TSKS: variants seen among roughly 807,000 people sequenced by gnomAD.
TSKS encodes testis specific serine kinase substrate, also known as testis-specific serine kinase substrate.
A neutral mutation model predicts 68.0 loss-of-function variants in TSKS; 27 were observed. The ratio of observed to expected loss-of-function variants is 0.40; its 90% CI spans 0.29 to 0.55. The LOEUF (loss-of-function observed/expected upper bound fraction) is 0.55. TSKS is among the 20% of genes least tolerant of loss of function. The pLI is 0.53. For missense variants in TSKS, 806 were observed against 776.0 expected, an observed-to-expected ratio of 1.04 and a Z score of -0.46; for synonymous variants, 331 against 340.4, an observed-to-expected ratio of 0.97 and a Z score of 0.30.
In TSKS at chr19:49,763,029, G is replaced by A; in HGVS notation, c.170+49C>T. ...ACAGTCGGACTCCTGCTCTGTTGGA[G>A]GTAGTGCTGGGCATTAGAACCATCC... On this transcript the variant is annotated intron_variant, in intron 1 of 10. Coordinates refer to ENST00000246801, the MANE Select transcript of TSKS (RefSeq NM_021733.2). This position sits in a 1 kb window ranked among gnomAD's most constrained non-coding sequence, Gnocchi z 4.5. 6.4e-7 allele frequency: 1 copy of A among 1,574,132 alleles called. No individual in the cohort carries two copies.
intron 2 of TSKS, among the ~76,000 whole-genome samples, chr19:49,750,484 C>T (rs1271077577): frequency 6.6e-6 from 1 of 152,088 alleles, no homozygotes; most frequent in Non-Finnish European, 1.5e-5. Context: ...GTCTTGATCT[C>T]CTGACCTCGT....
chr19:49,748,237 G>A, intron 3 of TSKS, 69 bp from the exon 4 acceptor site: 1 of 1,583,792 alleles, frequency 6.3e-7, no homozygotes, highest in South Asian at 1.1e-5. Flanking sequence ...GAAGATCTGG[G>A]CCTGGGAAGG....
intron 8 of TSKS, among the ~76,000 whole-genome samples, chr19:49,743,977 G>A (rs2084274469): frequency 6.6e-6 from 1 of 152,168 alleles, no homozygotes; most frequent in Non-Finnish European, 1.5e-5. Flanking sequence ...GAAGTGCTGG[G>A]ATTACAGGCG....
intron 2 of TSKS, 72 bp downstream of exon 2, chr19:49,761,932 C>G (rs976708343): frequency 1.5e-6 from 2 of 1,295,210 alleles, no homozygotes; most frequent in East Asian, 4.7e-5. Flanking sequence ...ACCCCACCCC[C>G]GTCCTAAGTA....
intron 2 of TSKS, among the ~76,000 whole-genome samples, chr19:49,755,019 C>A (rs970768494): frequency 3.3e-5 from 5 of 152,070 alleles, no homozygotes; most frequent in African/African-American, 1.2e-4. Flanking sequence ...ATCGCTTGAA[C>A]CCAGGAGGCA....
At chr19:49,762,762 CCTA>C (rs1407151989) in intron 1 of TSKS, among the ~76,000 whole-genome samples, 2 of 152,040 alleles carry the variant, frequency 1.3e-5, no homozygotes, top group African/African-American at 4.8e-5. Flanking sequence ...TTCCCCGCTG[CCTA>C]CTTTCTCCTC....
At chr19:49,740,538 C>T (rs1294355227) in intron 9 of TSKS, among the ~76,000 whole-genome samples, 1 of 152,186 alleles carries the variant, frequency 6.6e-6, no homozygotes. Context: ...CTCCTACATT[C>T]CATAATTTGG....
At position 49,745,350 on chromosome 19, in the gene TSKS, C is replaced by T; in HGVS notation, c.1039G>A (p.Ala347Thr). 2.5e-6 allele frequency: 4 copies of T among 1,594,900 alleles called. No individual in the cohort carries two copies. The highest frequency in any genetic ancestry group is 3.4e-6 in the Non-Finnish European group (4 of 1,175,038). ...AGCAGCCGCAGGGCTTCCTGCACCG[C>T]CCCCTCCTCCTGATGCCACCGGGCG... ...LTARWHQEEG[A>T]VQEALRLLGG... Residue 347 changes from alanine to threonine, a missense_variant, in exon 7 of 11, where the codon GCG (alanine) becomes ACG (threonine). Transcript: ENST00000246801.
intron 2 of TSKS, among the ~76,000 whole-genome samples, chr19:49,750,354 G>A (rs2084339721): frequency 1.3e-5 from 2 of 150,954 alleles, no homozygotes; most frequent in Non-Finnish European, 2.9e-5. Flanking sequence ...TCACTCCCAG[G>A]TTCAAGCCAT....
intron 6 of TSKS, 133 bp downstream of exon 6, chr19:49,746,337 C>T: frequency 9.3e-7 from 1 of 1,073,572 alleles, no homozygotes; most frequent in South Asian, 1.6e-5. Flanking sequence ...CGAGGCTCCA[C>T]CCATGTCACC....
chr19:49,750,193 T>C (rs560982782), intron 2 of TSKS, among the ~76,000 whole-genome samples: 3 of 152,136 alleles, frequency 2.0e-5, no homozygotes, highest in Non-Finnish European at 4.4e-5. Flanking sequence ...TTCTGTGTTA[T>C]TCAAGCTGTG....
intron 2 of TSKS, among the ~76,000 whole-genome samples, chr19:49,761,240 G>A (rs2084437857): frequency 6.6e-6 from 1 of 152,176 alleles, no homozygotes; most frequent in African/African-American, 2.4e-5. Flanking sequence ...TTGTTAATGT[G>A]GTTCTCAGTA....
At chr19:49,748,308 C>T in intron 3 of TSKS, 66 bp downstream of exon 3, 1 of 1,580,722 alleles carries the variant, frequency 6.3e-7, no homozygotes, top group Non-Finnish European at 8.7e-7. Flanking sequence ...CTGCTGGAGG[C>T]AGGCTCCAAG....
In TSKS at chr19:49,747,196, C is replaced by T. The variant is rs145927386; in HGVS notation, c.663+193G>A. On this transcript the variant is annotated intron_variant, in intron 5 of 10. Coordinates refer to ENST00000246801, the MANE Select transcript of TSKS (RefSeq NM_021733.2). ...CTGGGACCTGAATGTGACTGCAGGG[C>T]AAGAGTCCCCCATCTGGGTGTTGGA... 3.9e-6 allele frequency: 6 copies of T among 1,536,840 alleles called. No homozygotes were observed. The African/African-American group carries it at 6.8e-5, about 17-fold the overall frequency.
intron 7 of TSKS, among the ~76,000 whole-genome samples, chr19:49,744,708 C>T (rs573768870): frequency 6.6e-6 from 1 of 152,180 alleles, no homozygotes; most frequent in East Asian, 1.9e-4. Flanking sequence ...CTCAGCCTCC[C>T]GAGTGGCTAG....
chr19:49,747,575 C>G, intron 4 of TSKS, 103 bp from the exon 5 acceptor site: 1 of 1,155,868 alleles, frequency 8.7e-7, no homozygotes, highest in Non-Finnish European at 1.3e-6. Flanking sequence ...TCCTAGCCCC[C>G]CAGTACAAGA....
chr19:49,748,486 G>A lies in TSKS; in HGVS notation c.400-17C>T, dbSNP rs748973013. 1.2e-6 allele frequency: 2 copies of A among 1,611,032 alleles called. No individual in the cohort carries two copies. The highest frequency in any genetic ancestry group is 1.7e-6 in the Non-Finnish European group (2 of 1,177,612). On this transcript the variant is annotated splice_polypyrimidine_tract_variant and intron_variant, in intron 2 of 10. Transcript: ENST00000246801. ...GACCCCACTCTGGGGAAGAATGGGAGACAGGTGAGTTAGTGGGTATGTGGG... is the reference window on the plus strand; with the variant it reads ...GACCCCACTCTGGGGAAGAATGGGAAACAGGTGAGTTAGTGGGTATGTGGG...
At chr19:49,750,400 G>A (rs927912417) in intron 2 of TSKS, among the ~76,000 whole-genome samples, 5 of 151,742 alleles carry the variant, frequency 3.3e-5, no homozygotes, top group Middle Eastern at 3.4e-3. Flanking sequence ...CTGGGACTAC[G>A]GGCGTGCACC....
chr19:49,750,262 CTT>C (rs34913477), intron 2 of TSKS, among the ~76,000 whole-genome samples: 27,719 of 135,904 alleles, frequency 0.2, 3,090 homozygotes, highest in African/African-American at 0.35. Context: ...CATTGACATT[CTT>C]TTTTTTTTTT....
Sources: gnomAD v4.1 joint callset for allele counts (sites outside exome capture counted in the v4.1 genomes callset) on GRCh38, gnomAD v4.1.1 for gene constraint, Gnocchi (gnomAD v3.1) non-coding constraint, MANE v1.5 for transcripts, NCBI Gene and HGNC (gene_info 2026-07-23, HGNC 2026-07-21) for gene names.